Variants in NECTIN1 observed in about 807,000 individuals in gnomAD.
The protein encoded by NECTIN1 is nectin-1.
In NECTIN1, 23 loss-of-function variants were observed where a neutral mutation model predicts 48.0. The ratio of observed to expected loss-of-function variants is 0.48; its 90% CI spans 0.34 to 0.68. The LOEUF is 0.68. Ranked by LOEUF, NECTIN1 falls within the 30% of genes least tolerant of loss-of-function variation. NECTIN1 has a pLI of 0.01. For synonymous variants in NECTIN1, 270 were observed against 288.9 expected (o/e 0.93, Z 0.66); for missense variants, 591 against 709.9 (o/e 0.83, Z 1.90).
intron 1 of NECTIN1, among the ~76,000 whole-genome samples, chr11:119,702,437 G>A (rs996258386): frequency 6.6e-6 from 1 of 152,252 alleles, no homozygotes; most frequent in African/African-American, 2.4e-5. Flanking sequence ...GGCGAGTCCA[G>A]GGCTGTGGCT....
At chr11:119,656,919 C>G (rs1170797201), downstream of NECTIN1, among the ~76,000 whole-genome samples, 3 of 152,326 alleles carry the variant, frequency 2.0e-5, no homozygotes, top group African/African-American at 7.2e-5. Context: ...CCAGCCTGGG[C>G]TCTTTCATAA....
At chr11:119,725,680 C>A (rs781715375) in intron 1 of NECTIN1, among the ~76,000 whole-genome samples, 1 of 152,224 alleles carries the variant, frequency 6.6e-6, no homozygotes, top group African/African-American at 2.4e-5. Context: ...TCAAAGACCA[C>A]ATGGCAGCAA....
intron 1 of NECTIN1, among the ~76,000 whole-genome samples, chr11:119,728,038 C>G (rs1003496671): frequency 1.3e-5 from 2 of 152,300 alleles, no homozygotes; most frequent in South Asian, 2.1e-4. Flanking sequence ...GAAGCCCCCC[C>G]GCCATACTCC....
In NECTIN1 at chr11:119,678,130, G is replaced by A. The variant is rs1864993052; in HGVS notation, c.431-273C>T. ...ATGTCTAAGGCAAGCAGCGCAGGTG[G>A]CTCCTTTCCTTACCGTGGTGTCTGA... On this transcript the variant is annotated intron_variant, in intron 2 of 5. Transcript: ENST00000264025. This position sits in a 1 kb window ranked among gnomAD's most constrained non-coding sequence, Gnocchi z 4.4. Among the ~76,000 whole-genome samples, 1 of 152,220 alleles carries A rather than the reference G, an allele frequency of 6.6e-6. No homozygotes were observed. The highest frequency in any genetic ancestry group is 1.5e-5 in the Non-Finnish European group (1 of 68,042).
At chr11:119,716,110 C>T (rs1865739231) in intron 1 of NECTIN1, among the ~76,000 whole-genome samples, 1 of 152,182 alleles carries the variant, frequency 6.6e-6, no homozygotes, top group Non-Finnish European at 1.5e-5. Flanking sequence ...CAGAAGGGAG[C>T]ACAGGAGGCA....
chr11:119,658,060 C>T (rs1447784591), downstream of NECTIN1, among the ~76,000 whole-genome samples: 1 of 152,106 alleles, frequency 6.6e-6, no homozygotes. Context: ...GTTCTCTGCG[C>T]TCAATGGGGC....
intron 7 of NECTIN1, chr11:119,638,610 G>A (rs1401726030): frequency 5.3e-6 from 5 of 938,432 alleles, no homozygotes; most frequent in Non-Finnish European, 8.4e-6. Flanking sequence ...GGCCTTGTGG[G>A]AACTGGACCA....
At chr11:119,675,348 C>A in intron 4 of NECTIN1, 38 bp from the exon 5 acceptor site, 2 of 1,613,794 alleles carry the variant, frequency 1.2e-6, no homozygotes, top group South Asian at 1.1e-5. Context: ...GGTTATGACT[C>A]TCCAGCCTCA....
intron 5 of NECTIN1, among the ~76,000 whole-genome samples, chr11:119,667,012 G>A (rs1293623990): frequency 6.6e-6 from 1 of 152,134 alleles, no homozygotes; most frequent in African/African-American, 2.4e-5. Flanking sequence ...GCACTGCCAT[G>A]GAGGACCCCG....
At position 119,677,288 on chromosome 11, in the gene NECTIN1, C is replaced by T; in HGVS notation, c.734-69G>A. 1 of 1,370,648 alleles carries T rather than the reference C, an allele frequency of 7.3e-7. No individual in the cohort carries two copies. Among genetic ancestry groups the T allele is most frequent in the Middle Eastern group, 1.8e-4 (1 of 5,610 alleles). The allele number at this position is 1,370,648 out of a possible 1,614,324, so 84.9% of individuals were successfully genotyped here. On this transcript the variant is annotated intron_variant, in intron 3 of 5. Transcript: ENST00000264025. The surrounding 1 kb of genome is among the most constrained non-coding windows in gnomAD (Gnocchi z 5.4). ...GGGACTTAGAACAAGGGAACTTCAG[C>T]CAGGAAGGGATGGAAGGAGCAGTGG...
intron 1 of NECTIN1, among the ~76,000 whole-genome samples, chr11:119,699,371 GC>G (rs56331147): frequency 1 from 152,205 of 152,206 alleles, 76,102 homozygotes; most frequent in Non-Finnish European, 1. Context: ...CTTTCCCACG[GC>G]CCCCGGCCAG....
chr11:119,665,044 G>A lies in NECTIN1; in HGVS notation c.1257C>T (p.Pro419=), dbSNP rs777367846. 4 of 1,613,864 alleles carry A rather than the reference G, an allele frequency of 2.5e-6. No homozygotes were observed. Among genetic ancestry groups the A allele is most frequent in the Admixed American group, 1.7e-5 (1 of 60,022 alleles). ...CCTTCTTCTCGTCGTCTGAGTCGTC[G>A]GGGTACTGCAGGTTCTGTGCCATTG... The part of the protein sequence containing the change: ...HPPMAQNLQY[P]DDSDDEKKAG... Residue 419 remains proline, a synonymous_variant, in exon 6 of 6, where the codon CCC becomes CCT. Transcript: ENST00000264025. This position sits in a 1 kb window ranked among gnomAD's most constrained non-coding sequence, Gnocchi z 5.1.
intron 5 of NECTIN1, among the ~76,000 whole-genome samples, chr11:119,653,656 C>A (rs1163551526): frequency 6.6e-6 from 1 of 152,196 alleles, no homozygotes; most frequent in African/African-American, 2.4e-5. Flanking sequence ...GTTTCCATGA[C>A]GAGTTCTGTT....
Position 119,642,139 on chromosome 11 carries a change from G to A in NECTIN1, c.1004-2127C>T, listed in dbSNP as rs1473085360. ...CAGTAAGTGTGGTGAATGAATGAAG[G>A]CTTGCCTGAATGTGTAGTGGGCAGT... On this transcript the variant is annotated intron_variant, in intron 5 of 7. Transcript: ENST00000341398. The A allele has an allele frequency of 2.0e-5, 3 of 150,266 alleles. No homozygotes were observed. In the Admixed American group the frequency reaches 2.0e-4, roughly 10 times the overall value. The allele number at this position is 150,266 out of a possible 1,614,324, so 9.3% of individuals were successfully genotyped here.
intron 1 of NECTIN1, among the ~76,000 whole-genome samples, chr11:119,723,022 C>T (rs2134347246): frequency 6.6e-6 from 1 of 152,170 alleles, no homozygotes; most frequent in East Asian, 1.9e-4. Flanking sequence ...CTGAGACCAT[C>T]CTGGCTAACA....
intron 5 of NECTIN1, among the ~76,000 whole-genome samples, chr11:119,652,354 T>TCCTCCC (rs1280394600): frequency 2.0e-5 from 3 of 151,668 alleles, no homozygotes; most frequent in African/African-American, 4.8e-5. Flanking sequence ...AGAGCACATC[T>TCCTCCC]CCTCCCCCTC....
rs927712988 is a variant in NECTIN1, at chr11:119,662,064, G to C, written c.*2683C>G. 1 of 985,264 alleles carries C rather than the reference G, an allele frequency of 1.0e-6. No homozygotes were observed. Among genetic ancestry groups the C allele is most frequent in the African/African-American group, 1.7e-5 (1 of 57,204 alleles). The allele number at this position is 985,264 out of a possible 1,614,324, so 61.0% of individuals were successfully genotyped here. On this transcript the variant is annotated 3_prime_UTR_variant, in exon 6 of 6. Transcript: ENST00000264025. The surrounding 1 kb of genome is among the most constrained non-coding windows in gnomAD (Gnocchi z 5.3). The stretch of plus-strand genomic sequence containing the variant: ...GGAAACAGGGGCATGGGTGTGGGGT[G>C]GGGGGCAAGGACAGGGAGGGCAACA...
In NECTIN1 at chr11:119,662,959, T is replaced by C; in HGVS notation, c.*1788A>G. 1.0e-6 allele frequency: 1 copy of C among 975,420 alleles called. No homozygotes were observed. 60.4% of individuals were successfully genotyped at this position (975,420 alleles called of 1,614,324 possible). On this transcript the variant is annotated 3_prime_UTR_variant, in exon 6 of 6. Coordinates refer to ENST00000264025, the MANE Select transcript of NECTIN1 (RefSeq NM_002855.5). The surrounding 1 kb of genome is among the most constrained non-coding windows in gnomAD (Gnocchi z 5.3). ...GGCCAGACAACGACGACCCACCTGC[T>C]GGGCCCAGGGTTGCCAGGGCAGAAA...
intron 1 of NECTIN1, among the ~76,000 whole-genome samples, chr11:119,719,560 A>C (rs1865794982): frequency 6.6e-6 from 1 of 152,232 alleles, no homozygotes; most frequent in Non-Finnish European, 1.5e-5. Flanking sequence ...AGTTGTTATG[A>C]AGATTAACTA....
Sources: gnomAD v4.1 joint callset for allele counts (sites outside exome capture counted in the v4.1 genomes callset) on GRCh38, gnomAD v4.1.1 for gene constraint, Gnocchi (gnomAD v3.1) non-coding constraint, MANE v1.5 for transcripts, NCBI Gene and HGNC (gene_info 2026-07-23, HGNC 2026-07-21) for gene names.